Variants in TTC3 observed in about 807,000 individuals in gnomAD.
The protein encoded by TTC3 is tetratricopeptide repeat domain 3, also known as E3 ubiquitin-protein ligase TTC3.
In TTC3, 180 loss-of-function variants were observed where a neutral mutation model predicts 249.6. The observed-to-expected ratio is 0.72, with a 90% CI of 0.64 to 0.82. The LOEUF (loss-of-function observed/expected upper bound fraction) is 0.82, where lower values mean the gene tolerates loss of function less well. TTC3 is among the 40% of genes least tolerant of loss of function. The probability of loss-of-function intolerance (pLI) is 0.00; values close to 1 mark genes in which losing one functional copy is unlikely to be tolerated. For missense variants in TTC3, 2,061 were observed against 2,398.4 expected (o/e 0.86, Z 2.94); for synonymous variants, 717 against 805.0 (o/e 0.89, Z 1.85).
intron 10 of TTC3, among the ~76,000 whole-genome samples, chr21:37,106,450 T>G (rs1465706412): frequency 6.6e-6 from 1 of 152,248 alleles, no homozygotes; most frequent in African/African-American, 2.4e-5. Context: ...AAGCTCTTTT[T>G]GTGTTCTGTT....
At chr21:37,182,541 G>C (rs2835651) in intron 35 of TTC3, among the ~76,000 whole-genome samples, 1 of 152,092 alleles carries the variant, frequency 6.6e-6, no homozygotes, top group Non-Finnish European at 1.5e-5. Flanking sequence ...TCTTCGGGGT[G>C]TCTTACTGTA....
At chr21:37,085,204 A>G (rs1296088679) in intron 1 of TTC3, among the ~76,000 whole-genome samples, 1 of 152,176 alleles carries the variant, frequency 6.6e-6, no homozygotes, top group Non-Finnish European at 1.5e-5. Flanking sequence ...TCTGTATTTT[A>G]TGCCAAAAAA....
intron 20 of TTC3, among the ~76,000 whole-genome samples, chr21:37,141,415 C>CCA (rs1555887999): frequency 1.3e-5 from 2 of 151,696 alleles, no homozygotes; most frequent in South Asian, 2.1e-4. Flanking sequence ...TGGGGAATCC[C>CCA]CCCCCCAGCC....
chr21:37,088,322 G>A lies in TTC3; in HGVS notation c.314G>A (p.Arg105Gln), dbSNP rs767070391. ...CATCAAAACAGTTCCGTAATATCAC[G>A]ATTGCATCCCTGTGTGGACGCCAAG... The change falls in exon 4 of 46, where the codon CGA becomes CAA. Residue 105 changes from arginine to glutamine, a missense_variant. Arg to Gln is a conservative substitution (Grantham distance 43, BLOSUM62 1). Around this residue, in one of 3 missense-constraint regions of TTC3, gnomAD observed 989 missense variants for 1,145.1 expected, o/e 0.86. Transcript: ENST00000355666. 5.0e-6 allele frequency: 8 copies of A among 1,612,650 alleles called. No homozygotes were observed. The Admixed American group carries it at 6.7e-5, about 13-fold the overall frequency.
At chr21:37,163,388 T>C (rs1353350871) in intron 31 of TTC3, among the ~76,000 whole-genome samples, 1 of 152,240 alleles carries the variant, frequency 6.6e-6, no homozygotes, top group Non-Finnish European at 1.5e-5. Flanking sequence ...TTCGCTCTTG[T>C]TGCCCAGGCT....
At chr21:37,152,852 C>G in intron 26 of TTC3, 99 bp from the exon 27 acceptor site, 3 of 994,020 alleles carry the variant, frequency 3.0e-6, no homozygotes, top group Non-Finnish European at 4.2e-6. Flanking sequence ...TATAATCAAT[C>G]TGAATCATAT....
chr21:37,142,857 T>C (rs1320489150), intron 20 of TTC3, among the ~76,000 whole-genome samples: 6 of 152,212 alleles, frequency 3.9e-5, no homozygotes. Context: ...ACTACAAGGC[T>C]GCAGTAACCA....
At chr21:37,190,541 G>A (rs58905476) in intron 39 of TTC3, among the ~76,000 whole-genome samples, 1 of 152,082 alleles carries the variant, frequency 6.6e-6, no homozygotes. Context: ...TTGAGACCAA[G>A]TGGTAGTCAA....
At chr21:37,188,644 C>A in intron 39 of TTC3, 49 bp downstream of exon 39, 1 of 1,422,290 alleles carries the variant, frequency 7.0e-7, no homozygotes, top group African/African-American at 1.4e-5. Context: ...GAAGATAAAG[C>A]TAGGACCATT....
At chr21:37,109,154 T>A (rs1239381049) in intron 11 of TTC3, among the ~76,000 whole-genome samples, 1 of 152,126 alleles carries the variant, frequency 6.6e-6, no homozygotes. Flanking sequence ...AGACAGGTGA[T>A]TTCTGCATTT....
intron 35 of TTC3, among the ~76,000 whole-genome samples, chr21:37,180,248 T>C (rs1271869024): frequency 6.6e-6 from 1 of 152,216 alleles, no homozygotes; most frequent in Non-Finnish European, 1.5e-5. Context: ...TCATGTTATT[T>C]CTAAAGAATG....
chr21:37,184,453 G>GTT lies in TTC3; in HGVS notation c.4758-1248_4758-1247dup, dbSNP rs562912678. On this transcript the variant is annotated intron_variant, in intron 36 of 45. Coordinates refer to ENST00000355666, the Ensembl canonical transcript of TTC3. ...AGATAAGCCACACGCTTCTCTCTAA[G>GTT]TTTTTTGCTTTTTTTTTTGAGACAG... Among the ~76,000 whole-genome samples, 8 of 150,928 alleles carry GTT rather than the reference G, an allele frequency of 5.3e-5. No homozygotes were observed. The South Asian group carries it at 1.5e-3, about 28-fold the overall frequency.
chr21:37,154,202 G>A (rs2079766745), intron 27 of TTC3, among the ~76,000 whole-genome samples: 1 of 152,256 alleles, frequency 6.6e-6, no homozygotes, highest in Non-Finnish European at 1.5e-5. Context: ...AGAGGCTAAA[G>A]TACGCCACGG....
chr21:37,196,098 A>G (rs1412476064), intron 42 of TTC3, 62 bp downstream of exon 42: 21 of 1,572,222 alleles, frequency 1.3e-5, no homozygotes, highest in Non-Finnish European at 1.1e-5. Flanking sequence ...TTTCCTGATT[A>G]GATAAAATCA....
chr21:37,137,277 C>G (rs546236396), intron 18 of TTC3, among the ~76,000 whole-genome samples: 87 of 152,236 alleles, frequency 5.7e-4, no homozygotes, highest in African/African-American at 2.0e-3. Context: ...CATAGTGATT[C>G]CTCTGTTGGA....
chr21:37,149,987 C>A, intron 23 of TTC3, 91 bp from the exon 24 acceptor site: 1 of 899,222 alleles, frequency 1.1e-6, no homozygotes, highest in Non-Finnish European at 1.7e-6. Context: ...CGTATTTTGA[C>A]TGTTCCTAGT....
intron 17 of TTC3, among the ~76,000 whole-genome samples, chr21:37,133,983 G>A (rs747977467): frequency 2.6e-4 from 40 of 152,168 alleles, no homozygotes; most frequent in Non-Finnish European, 5.1e-4. Context: ...AATTGAATGA[G>A]TTTATGCAAG....
intron 44 of TTC3, among the ~76,000 whole-genome samples, chr21:37,198,973 C>T (rs1775735080): frequency 6.6e-6 from 1 of 152,076 alleles, no homozygotes; most frequent in Admixed American, 6.6e-5. Context: ...AACCTGGCTC[C>T]GAGCTTTGCA....
chr21:37,188,701 T>C, intron 39 of TTC3, 106 bp downstream of exon 39: 2 of 690,424 alleles, frequency 2.9e-6, no homozygotes, highest in Middle Eastern at 5.0e-4. Context: ...TTTTAATAGT[T>C]ATATAATTGA....
Sources: gnomAD v4.1 joint callset for allele counts (sites outside exome capture counted in the v4.1 genomes callset) on GRCh38, gnomAD v4.1.1 for gene constraint, gnomAD v4.1.1 regional missense constraint, MANE v1.5 for transcripts, NCBI Gene and HGNC (gene_info 2026-07-23, HGNC 2026-07-21) for gene names.